Variants in TRIM37 observed in about 807,000 individuals in gnomAD.
TRIM37 encodes tripartite motif containing 37, also known as E3 ubiquitin-protein ligase TRIM37.
In TRIM37, 80 loss-of-function variants were observed where a neutral mutation model predicts 129.8. The observed-to-expected ratio is 0.62, with a 90% CI of 0.51 to 0.74. The LOEUF (loss-of-function observed/expected upper bound fraction) is 0.74. Among genes scored for constraint, TRIM37 ranks in the 30% least tolerant of loss-of-function variants. The probability of loss-of-function intolerance (pLI) is 0.00; values close to 1 mark genes in which losing one functional copy is unlikely to be tolerated. For missense variants in TRIM37, 1,054 were observed against 1,176.5 expected (o/e 0.90, Z 1.52); for synonymous variants, 389 against 387.1 (o/e 1.00, Z -0.06).
chr17:59,049,041 G>A (rs2040091594), intron 15 of TRIM37, 137 bp downstream of exon 15: 1 of 725,688 alleles, frequency 1.4e-6, no homozygotes, highest in Admixed American at 2.1e-5. Flanking sequence ...TTTACATAAG[G>A]GCATACATAC....
the TRIM37 span, chr17:58,969,778 A>G: frequency 2.5e-6 from 4 of 1,570,930 alleles, no homozygotes; most frequent in Non-Finnish European, 3.5e-6. Context: ...GCTGAGCTCA[A>G]TTTGGTCTGT....
At chr17:58,972,603 G>A in the TRIM37 span, among the ~76,000 whole-genome samples, 6 of 152,034 alleles carry the variant, frequency 3.9e-5, no homozygotes, top group Non-Finnish European at 8.8e-5. Context: ...TGCCTGCTTC[G>A]GCCTCCCAAA....
Position 59,028,601 on chromosome 17 carries a change from C to T in TRIM37, c.2071G>A (p.Asp691Asn). Residue 691 changes from aspartate (D) to asparagine (N), a missense_variant, in exon 19 of 24, where the codon GAT (aspartate) becomes AAT (asparagine). By Grantham distance (23) the Asp-to-Asn change is conservative. Around this residue, in one of 3 missense-constraint regions of TRIM37, gnomAD observed 752 missense variants for 870.8 expected, o/e 0.86. Transcript: ENST00000262294. ...ATTTCTGAAAGTGTATTCTTTACAT[C>T]AGTTTTCATACATCGAACTTCGGCC... Reference protein sequence around the residue: ...QMAEVRCMKTDVKNTLSEIKS... With the variant: ...QMAEVRCMKTNVKNTLSEIKS... 6.2e-7 allele frequency: 1 copy of T among 1,614,204 alleles called. No homozygotes were observed. The highest frequency in any genetic ancestry group is 1.1e-5 in the South Asian group (1 of 91,084).
chr17:58,979,390 T>A (rs950503157), downstream of TRIM37, among the ~76,000 whole-genome samples: 6 of 152,176 alleles, frequency 3.9e-5, no homozygotes, highest in Admixed American at 3.9e-4. Flanking sequence ...ACATAACTCC[T>A]CCTGGCTTAA....
intron 19 of TRIM37, among the ~76,000 whole-genome samples, chr17:59,019,019 G>A (rs958554729): frequency 6.6e-6 from 1 of 152,176 alleles, no homozygotes; most frequent in African/African-American, 2.4e-5. Context: ...CCAACGGTAT[G>A]GAAAACCTGG....
At chr17:59,089,732 T>C (rs538811598) in intron 3 of TRIM37, among the ~76,000 whole-genome samples, 1 of 152,332 alleles carries the variant, frequency 6.6e-6, no homozygotes, top group Non-Finnish European at 1.5e-5. Context: ...GCTACCATAC[T>C]GGACAGTGTA....
chr17:59,055,424 A>T (rs1415430209), intron 13 of TRIM37, among the ~76,000 whole-genome samples: 2 of 151,080 alleles, frequency 1.3e-5, no homozygotes, highest in African/African-American at 4.9e-5. Flanking sequence ...GGCCGGGCGC[A>T]GTGGCTCAGG....
intron 19 of TRIM37, among the ~76,000 whole-genome samples, chr17:59,026,562 T>G (rs1442777581): frequency 6.6e-6 from 1 of 152,144 alleles, no homozygotes; most frequent in Non-Finnish European, 1.5e-5. Flanking sequence ...AAAAGTCAAC[T>G]ACAAATAAAC....
intron 24 of TRIM37, chr17:58,985,204 A>G (rs989726077): frequency 1.3e-5 from 2 of 152,682 alleles, no homozygotes; most frequent in African/African-American, 4.8e-5. Context: ...TTTTATTTAA[A>G]GGAAAGGTAA....
At chr17:59,042,292 C>T (rs2039252701) in intron 16 of TRIM37, among the ~76,000 whole-genome samples, 2 of 147,176 alleles carry the variant, frequency 1.4e-5, no homozygotes, top group African/African-American at 5.1e-5. Context: ...AGGAGAATGG[C>T]GTGAACCCAG....
intron 7 of TRIM37, among the ~76,000 whole-genome samples, chr17:59,079,109 G>A (rs967782893): frequency 6.7e-6 from 1 of 150,062 alleles, no homozygotes; most frequent in Non-Finnish European, 1.5e-5. Flanking sequence ...ATTTCACTTT[G>A]GACTATGATA....
At chr17:59,032,694 G>C (rs140978609) in intron 17 of TRIM37, among the ~76,000 whole-genome samples, 1 of 152,068 alleles carries the variant, frequency 6.6e-6, no homozygotes, top group African/African-American at 2.4e-5. Flanking sequence ...GTGCACAATT[G>C]GGGGGATGAG....
chr17:59,061,522 A>G (rs2041492105), intron 11 of TRIM37, among the ~76,000 whole-genome samples: 1 of 152,130 alleles, frequency 6.6e-6, no homozygotes, highest in African/African-American at 2.4e-5. Flanking sequence ...GTAATTAAAT[A>G]TAATTTCTAT....
At chr17:58,997,987 G>A (rs928457609), downstream of TRIM37, among the ~76,000 whole-genome samples, 1 of 152,170 alleles carries the variant, frequency 6.6e-6, no homozygotes, top group Non-Finnish European at 1.5e-5. Flanking sequence ...AAAGCAAACA[G>A]GTCTGAACTA....
intron 15 of TRIM37, 69 bp downstream of exon 15, chr17:59,049,109 G>T (rs1209279383): frequency 7.8e-7 from 1 of 1,288,292 alleles, no homozygotes; most frequent in Non-Finnish European, 1.1e-6. Context: ...CACATAATAT[G>T]TTAAAAGCCA....
At chr17:58,972,339 G>A in the TRIM37 span, 5 of 1,512,414 alleles carry the variant, frequency 3.3e-6, no homozygotes, top group Non-Finnish European at 4.5e-6. Flanking sequence ...TCTAGTTATT[G>A]ATTAGGATTC....
chr17:59,063,382 T>C (rs2146548384), intron 10 of TRIM37, among the ~76,000 whole-genome samples: 1 of 152,290 alleles, frequency 6.6e-6, no homozygotes, highest in East Asian at 1.9e-4. Context: ...GTTTACCATG[T>C]TGGCCAGGCT....
intron 4 of TRIM37, among the ~76,000 whole-genome samples, chr17:59,085,409 C>T (rs1489042277): frequency 6.6e-6 from 1 of 151,996 alleles, no homozygotes; most frequent in East Asian, 1.9e-4. Flanking sequence ...TTTAAAAACT[C>T]TAATTTAAAA....
At chr17:59,048,673 T>C (rs779856483) in intron 15 of TRIM37, among the ~76,000 whole-genome samples, 4 of 152,166 alleles carry the variant, frequency 2.6e-5, no homozygotes, top group African/African-American at 4.8e-5. Context: ...CTTGGCTCAC[T>C]GCAACCTCCG....
Sources: allele counts gnomAD v4.1 joint callset (sites outside exome capture counted in the v4.1 genomes callset), GRCh38; gene constraint gnomAD v4.1.1; regional missense constraint gnomAD v4.1.1; transcripts MANE v1.5; gene names NCBI Gene and HGNC (gene_info 2026-07-23, HGNC 2026-07-21).